Variants in TTC7B observed in about 807,000 individuals in gnomAD.
TTC7B encodes tetratricopeptide repeat domain 7B.
A neutral mutation model predicts 106.8 loss-of-function variants in TTC7B; 28 were observed. That is an observed-to-expected ratio of 0.26 (90% CI 0.19 to 0.36). TTC7B has a LOEUF of 0.36. Among genes scored for constraint, TTC7B ranks in the 10% least tolerant of loss-of-function variants. TTC7B has a pLI of 1.00. For synonymous variants in TTC7B, 405 were observed against 430.6 expected (o/e 0.94, Z 0.74); for missense variants, 862 against 1,076.4 (o/e 0.80, Z 2.79).
At chr14:90,597,833 C>T (rs771203830) in intron 17 of TTC7B, among the ~76,000 whole-genome samples, 13 of 152,156 alleles carry the variant, frequency 8.5e-5, no homozygotes, top group Non-Finnish European at 1.6e-4. Flanking sequence ...TTTCTCACCA[C>T]GGCAAACATG....
At chr14:90,649,954 G>T (rs949723515) in intron 13 of TTC7B, among the ~76,000 whole-genome samples, 56 of 151,838 alleles carry the variant, frequency 3.7e-4, no homozygotes, top group African/African-American at 1.3e-3. Flanking sequence ...TCATCATCGT[G>T]CAGTGGGAGC....
chr14:90,669,594 T>C (rs558901007), intron 9 of TTC7B, among the ~76,000 whole-genome samples: 2 of 151,284 alleles, frequency 1.3e-5, no homozygotes, highest in Non-Finnish European at 1.5e-5. Context: ...GAGTTTATTA[T>C]TTAGACTTTA....
intron 19 of TTC7B, among the ~76,000 whole-genome samples, chr14:90,558,059 G>A (rs542464684): frequency 3.9e-5 from 6 of 152,306 alleles, no homozygotes; most frequent in Admixed American, 2.0e-4. Flanking sequence ...GTATACCGTC[G>A]GCACTCGATA....
At chr14:90,710,969 C>A (rs945053522) in intron 5 of TTC7B, among the ~76,000 whole-genome samples, 1 of 152,060 alleles carries the variant, frequency 6.6e-6, no homozygotes, top group South Asian at 2.1e-4. Flanking sequence ...AACAACAACA[C>A]CTTGTCAATC....
intron 15 of TTC7B, among the ~76,000 whole-genome samples, chr14:90,639,397 A>G (rs540700627): frequency 1.3e-5 from 2 of 152,350 alleles, no homozygotes; most frequent in South Asian, 4.1e-4. Flanking sequence ...CATACACTTC[A>G]CAAAAGAGAA....
At chr14:90,559,866 T>C (rs1393064409) in intron 19 of TTC7B, among the ~76,000 whole-genome samples, 1 of 152,334 alleles carries the variant, frequency 6.6e-6, no homozygotes, top group East Asian at 1.9e-4. Flanking sequence ...AAACTGCCAG[T>C]GTATGGCAGA....
Position 90,541,428 on chromosome 14 carries a change from G to C in TTC7B, c.2472C>G (p.Ala824=), listed in dbSNP as rs377695720. The C allele has an allele frequency of 2.5e-6, 4 of 1,612,844 alleles. No individual in the cohort carries two copies. In the African/African-American group the frequency reaches 5.3e-5, roughly 22 times the overall value. The change falls in exon 20 of 20, where the codon GCC becomes GCG. Residue 824 remains alanine, a synonymous_variant. Coordinates refer to ENST00000328459, the MANE Select transcript of TTC7B (RefSeq NM_001010854.2). ...CGGGGCTGCTGGCCTCCAGCTCCAAGGCTGTCAGGAAGCACTCCGTAGCCG... is the reference window on the plus strand; with the variant it reads ...CGGGGCTGCTGGCCTCCAGCTCCAACGCTGTCAGGAAGCACTCCGTAGCCG... ...DAAATECFLT[A]LELEASSPAV...
chr14:90,653,768 C>T (rs1013270491), intron 12 of TTC7B, among the ~76,000 whole-genome samples: 3 of 152,096 alleles, frequency 2.0e-5, no homozygotes, highest in African/African-American at 4.8e-5. Context: ...ACAGCAGTGA[C>T]ACAGCTAGAG....
At position 90,556,375 on chromosome 14, in the gene TTC7B, C is replaced by T. The variant is rs1242985379; in HGVS notation, c.2311-14786G>A. On this transcript the variant is annotated intron_variant, in intron 19 of 19. Coordinates refer to ENST00000328459, the MANE Select transcript of TTC7B (RefSeq NM_001010854.2). ...GTTTTAGCTCAGAGGCTGGCTGGAA[C>T]GTGGCGGTAGCTGTCAGCTCATAGG... 3.9e-5 allele frequency among the ~76,000 whole-genome samples: 6 copies of T among 152,184 alleles called. No individual in the cohort carries two copies. The East Asian group carries it at 5.8e-4, about 15-fold the overall frequency.
At position 90,550,518 on chromosome 14, in the gene TTC7B, T is replaced by G. The variant is rs114928256; in HGVS notation, c.2311-8929A>C. 1.4e-3 allele frequency among the ~76,000 whole-genome samples: 214 copies of G among 152,320 alleles called. 1 individual carries two copies. The highest frequency in any genetic ancestry group is 4.6e-3 in the African/African-American group (192 of 41,578). ...CTCCCCTCTCTCAAAGTGCTTGCTT[T>G]TGGTCTCTGCCTGAGGCTACATTTC... On this transcript the variant is annotated intron_variant, in intron 19 of 19. Coordinates refer to ENST00000328459, the MANE Select transcript of TTC7B (RefSeq NM_001010854.2).
At chr14:90,584,701 G>T (rs1033798609) in intron 18 of TTC7B, among the ~76,000 whole-genome samples, 2 of 151,778 alleles carry the variant, frequency 1.3e-5, no homozygotes, top group East Asian at 1.9e-4. Flanking sequence ...ACGCATGGCA[G>T]TAGGTACCTC....
intron 5 of TTC7B, among the ~76,000 whole-genome samples, chr14:90,718,813 C>G (rs1888760234): frequency 8.5e-6 from 1 of 117,800 alleles, no homozygotes. Flanking sequence ...CTGGGGCATA[C>G]AGGTACAGAT....
At chr14:90,650,589 T>G (rs1440449792) in intron 13 of TTC7B, among the ~76,000 whole-genome samples, 1 of 152,144 alleles carries the variant, frequency 6.6e-6, no homozygotes, top group East Asian at 1.9e-4. Context: ...TGTGCCACAA[T>G]GAGTGATAAA....
chr14:90,783,959 A>G (rs1300519218), intron 2 of TTC7B, among the ~76,000 whole-genome samples: 1 of 152,044 alleles, frequency 6.6e-6, no homozygotes, highest in African/African-American at 2.4e-5. Flanking sequence ...AATAAATTCA[A>G]TGGGCTTACT....
intron 14 of TTC7B, chr14:90,646,672 G>A: frequency 4.6e-6 from 2 of 436,108 alleles, no homozygotes; most frequent in Non-Finnish European, 8.5e-6. Flanking sequence ...TATATGCCAT[G>A]TGCTGCTCCC....
chr14:90,551,864 C>T lies in TTC7B; in HGVS notation c.2311-10275G>A, dbSNP rs372309662. Among the ~76,000 whole-genome samples the T allele has an allele frequency of 5.3e-5, 8 of 152,338 alleles. No individual in the cohort carries two copies. The East Asian group carries it at 1.4e-3, about 26-fold the overall frequency. On this transcript the variant is annotated intron_variant, in intron 19 of 19. Transcript: ENST00000328459. Reference sequence around the variant, plus strand: ...GAGGGGGCAGCCCTGAGCCCCACCCCGCTTTCCAACAATGCCTTGAAAAGG... The same window carrying T: ...GAGGGGGCAGCCCTGAGCCCCACCCTGCTTTCCAACAATGCCTTGAAAAGG...
chr14:90,558,824 G>A (rs1349031636), intron 19 of TTC7B, among the ~76,000 whole-genome samples: 1 of 152,130 alleles, frequency 6.6e-6, no homozygotes. Flanking sequence ...TTCACTCCTG[G>A]AGTTTTTTAC....
chr14:90,624,109 T>TGC lies in TTC7B; in HGVS notation c.1752-6066_1752-6065dup, dbSNP rs1360616751. 1.3e-4 allele frequency among the ~76,000 whole-genome samples: 19 copies of TGC among 151,412 alleles called. No homozygotes were observed. The highest frequency in any genetic ancestry group is 4.6e-4 in the African/African-American group (19 of 41,320). ...GCGTGTATATGTGTGCATGTGTGTG[T>TGC]GCGCGTGCGCGTGTGTGTGTTTTGT... On this transcript the variant is annotated intron_variant, in intron 15 of 19. Coordinates refer to ENST00000328459, the MANE Select transcript of TTC7B (RefSeq NM_001010854.2). This position sits in a 1 kb window ranked among gnomAD's most constrained non-coding sequence, Gnocchi z 4.0.
In TTC7B at chr14:90,578,543, G is replaced by T. The variant is rs1891357957; in HGVS notation, c.2108-235C>A. On this transcript the variant is annotated intron_variant, in intron 18 of 19. Coordinates refer to ENST00000328459, the MANE Select transcript of TTC7B (RefSeq NM_001010854.2). This position sits in a 1 kb window ranked among gnomAD's most constrained non-coding sequence, Gnocchi z 4.7. ...CAGGGCAGGCATAGGTCACCACCAG[G>T]CAGGGAGCAGTGAGGCCTGCCTGGT... 6.6e-6 allele frequency among the ~76,000 whole-genome samples: 1 copy of T among 152,092 alleles called. No homozygotes were observed. The highest frequency in any genetic ancestry group is 6.5e-5 in the Admixed American group (1 of 15,276).
Sources: gnomAD v4.1 joint callset for allele counts (sites outside exome capture counted in the v4.1 genomes callset) on GRCh38, gnomAD v4.1.1 for gene constraint, Gnocchi (gnomAD v3.1) non-coding constraint, MANE v1.5 for transcripts, NCBI Gene and HGNC (gene_info 2026-07-23, HGNC 2026-07-21) for gene names.